SLFN12L: variants seen among roughly 807,000 people sequenced by gnomAD.
SLFN12L encodes the protein schlafen family member 12-like.
Under a neutral mutation model 34.8 loss-of-function variants are expected in SLFN12L, and 34 were observed. That is an observed-to-expected ratio of 0.98 (90% CI 0.74 to 1.30). The LOEUF (loss-of-function observed/expected upper bound fraction) is 1.30, where lower values mean the gene tolerates loss of function less well. Among genes scored for constraint, SLFN12L ranks in the 50% most tolerant of loss-of-function variants. The pLI is 0.00. For synonymous variants in SLFN12L, 259 were observed against 247.5 expected (o/e 1.05, Z -0.44); for missense variants, 703 against 696.2 (o/e 1.01, Z -0.11).
At chr17:35,487,823 G>T in intron 2 of SLFN12L, 1 of 1,431,304 alleles carries the variant, frequency 7.0e-7, no homozygotes, top group Non-Finnish European at 9.5e-7. Context: ...CTAGCCCCTC[G>T]CTCAGCTGCA....
intron 1 of SLFN12L, among the ~76,000 whole-genome samples, chr17:35,536,215 C>T (rs1442011137): frequency 6.6e-6 from 1 of 152,162 alleles, no homozygotes; most frequent in South Asian, 2.1e-4. Flanking sequence ...TAAGAATAAC[C>T]ATTCTGGAAT....
intron 2 of SLFN12L, among the ~76,000 whole-genome samples, chr17:35,497,949 C>T (rs920998068): frequency 6.6e-5 from 10 of 152,154 alleles, no homozygotes; most frequent in African/African-American, 2.4e-4. Context: ...CTTTGGGAGG[C>T]CAAGGTGGAA....
intron 2 of SLFN12L, among the ~76,000 whole-genome samples, chr17:35,487,241 G>A (rs551014156): frequency 6.6e-6 from 1 of 152,378 alleles, no homozygotes; most frequent in Non-Finnish European, 1.5e-5. Context: ...GCGCCCGGCC[G>A]CCCTGCGGCT....
chr17:35,514,445 T>A (rs932277163), intron 2 of SLFN12L, among the ~76,000 whole-genome samples: 1 of 152,256 alleles, frequency 6.6e-6, no homozygotes, highest in Non-Finnish European at 1.5e-5. Flanking sequence ...TTTCTGCCTA[T>A]CTTTCAACAC....
chr17:35,515,795 C>G (rs1370376023), intron 2 of SLFN12L, among the ~76,000 whole-genome samples: 2 of 151,848 alleles, frequency 1.3e-5, no homozygotes, highest in South Asian at 2.1e-4. Context: ...AGGAGCCCAC[C>G]ACCACACCCG....
At position 35,509,984 on chromosome 17, in the gene SLFN12L, A is replaced by C. The variant is rs529533140; in HGVS notation, c.86+12295T>G. The C allele has an allele frequency of 3.3e-5, 5 of 152,396 alleles. No homozygotes were observed. In the East Asian group the frequency reaches 9.7e-4, roughly 29 times the overall value. The allele number at this position is 152,396 out of a possible 1,614,324, so 9.4% of individuals were successfully genotyped here. Reference sequence around the variant, plus strand: ...AGTGCTGGGATTACAGGCGTGAGCCACCGCGCCCGGCCAAAAAATAGAGAC... The same window carrying C: ...AGTGCTGGGATTACAGGCGTGAGCCCCCGCGCCCGGCCAAAAAATAGAGAC... On this transcript the variant is annotated intron_variant, in intron 2 of 4. Transcript: ENST00000628453.
chr17:35,480,710 C>T (rs1299487642), intron 2 of SLFN12L, among the ~76,000 whole-genome samples: 1 of 151,738 alleles, frequency 6.6e-6, no homozygotes, highest in East Asian at 1.9e-4. Context: ...ATTTTTTATT[C>T]TTATAAGAAT....
intron 1 of SLFN12L, among the ~76,000 whole-genome samples, chr17:35,532,150 T>C (rs568871775): frequency 2.6e-5 from 4 of 152,262 alleles, no homozygotes; most frequent in East Asian, 1.9e-4. Flanking sequence ...GAATGGTTTT[T>C]AAAAATAGGC....
chr17:35,475,391 C>T lies in SLFN12L; in HGVS notation c.1371G>A (p.Met457Ile). ...EGLKQLICEE[M>I]GSVNKGSLIF... ...TCAGTGAGCCCTTATTGACAGAGCC[C>T]ATTTCTTCACATATTAATTGCTTAA... Residue 457 changes from methionine to isoleucine, a missense_variant, in exon 5 of 5, where the codon ATG becomes ATA. Met to Ile is a conservative substitution (Grantham distance 10). Transcript: ENST00000628453. 6.2e-7 allele frequency: 1 copy of T among 1,614,152 alleles called. No homozygotes were observed. The highest frequency in any genetic ancestry group is 8.5e-7 in the Non-Finnish European group (1 of 1,180,028).
At chr17:35,504,930 C>T (rs1915417933) in intron 2 of SLFN12L, among the ~76,000 whole-genome samples, 1 of 152,144 alleles carries the variant, frequency 6.6e-6, no homozygotes, top group Non-Finnish European at 1.5e-5. Flanking sequence ...GTACTTTAGT[C>T]CAGTTGGCTA....
Position 35,473,467 on chromosome 17 carries a change from T to C in SLFN12L, c.*1456A>G. Among the ~76,000 whole-genome samples the C allele has an allele frequency of 6.6e-6, 1 of 152,190 alleles. No homozygotes were observed. Among genetic ancestry groups the C allele is most frequent in the East Asian group, 1.9e-4 (1 of 5,200 alleles). On this transcript the variant is annotated 3_prime_UTR_variant, in exon 5 of 5. Transcript: ENST00000628453. ...ATGAATTACATTTATTGATTTGTGT[T>C]TGTTGAATCAGCCTTGCATCCCAGG...
chr17:35,499,451 G>C (rs532238140), intron 2 of SLFN12L, among the ~76,000 whole-genome samples: 1 of 152,306 alleles, frequency 6.6e-6, no homozygotes, highest in African/African-American at 2.4e-5. Flanking sequence ...CCTAATTAAA[G>C]ACCTTTAGCT....
intron 1 of SLFN12L, among the ~76,000 whole-genome samples, chr17:35,529,685 G>A (rs964112659): frequency 3.3e-5 from 5 of 151,742 alleles, no homozygotes; most frequent in Non-Finnish European, 5.9e-5. Context: ...CACACACTGG[G>A]GCATATCTGG....
In SLFN12L at chr17:35,479,378, A is replaced by ACTT. The variant is rs748117132; in HGVS notation, c.901_903dup (p.Lys301dup). On this transcript the variant is annotated inframe_insertion, in exon 3 of 5. Coordinates refer to ENST00000628453, the MANE Select transcript of SLFN12L (RefSeq NM_001363830.2). ...ATGGAATTTTTTGTTACTTCTTCTA[A>ACTT]CTTAGTAAGATAACTCTTCTCTGCT... The ACTT allele has an allele frequency of 1.8e-5, 29 of 1,604,260 alleles. No homozygotes were observed. Among genetic ancestry groups the ACTT allele is most frequent in the Non-Finnish European group, 2.5e-5 (29 of 1,174,308 alleles).
At chr17:35,502,685 AACTTACAAGGTTTTC>A (rs1915340968) in intron 2 of SLFN12L, among the ~76,000 whole-genome samples, 1 of 152,172 alleles carries the variant, frequency 6.6e-6, no homozygotes, top group Non-Finnish European at 1.5e-5. Flanking sequence ...TGAAATCCCA[AACTTACAAGGTTTTC>A]AACAAAAGTA....
chr17:35,479,344 A>T lies in SLFN12L; in HGVS notation c.938T>A (p.Leu313Gln). ...CTCCACACAGAAGTGATGCACAGGC[A>T]GTTTCCCAATGGAATTTTTTGTTAC... ...EEVTKNSIGK[L>Q]PVHHFCVEKG... The change falls in exon 3 of 5, where the codon CTG becomes CAG. Residue 313 changes from leucine to glutamine, a missense_variant. Physicochemically the swap from Leu to Gln is moderately radical, Grantham distance 113 (BLOSUM62 -2). Transcript: ENST00000628453. 1 of 1,590,506 alleles carries T rather than the reference A, an allele frequency of 6.3e-7. No individual in the cohort carries two copies.
intron 1 of SLFN12L, among the ~76,000 whole-genome samples, chr17:35,535,963 G>C (rs2072457667): frequency 1.0e-4 from 1 of 9,882 alleles, no homozygotes; most frequent in African/African-American, 1.9e-4. Flanking sequence ...GCCCTGGCTA[G>C]TTTGTTTGTT....
At chr17:35,515,385 A>G (rs1199240618) in intron 2 of SLFN12L, among the ~76,000 whole-genome samples, 1 of 152,202 alleles carries the variant, frequency 6.6e-6, no homozygotes, top group Non-Finnish European at 1.5e-5. Context: ...AGTCATGTGT[A>G]TAGGATTACC....
At chr17:35,481,153 G>T (rs116169419) in intron 2 of SLFN12L, among the ~76,000 whole-genome samples, 2,338 of 152,320 alleles carry the variant, frequency 0.015, 55 homozygotes, top group African/African-American at 0.052. Context: ...TAACACCAGC[G>T]CCAGGGAAGG....
Sources: allele counts gnomAD v4.1 joint callset (sites outside exome capture counted in the v4.1 genomes callset), GRCh38; gene constraint gnomAD v4.1.1; transcripts MANE v1.5; gene names NCBI Gene and HGNC (gene_info 2026-07-23, HGNC 2026-07-21).